CELF5: variants seen among roughly 807,000 people sequenced by gnomAD.
The protein encoded by CELF5 is CUG-BP and ETR-3 like factor 5.
CELF5 carries 6 observed loss-of-function variants against 54.9 expected under a neutral mutation model. The ratio of observed to expected loss-of-function variants is 0.11; its 90% CI spans 0.06 to 0.22. CELF5 has a LOEUF of 0.22. Among genes scored for constraint, CELF5 ranks in the 10% least tolerant of loss-of-function variants. CELF5 has a pLI of 1.00. For synonymous variants in CELF5, 271 were observed against 290.9 expected (o/e 0.93, Z 0.70); for missense variants, 401 against 678.6 (o/e 0.59, Z 4.54).
Position 3,289,681 on chromosome 19 carries a change from C to CAAAAAAAAAAAAAAAAA in CELF5, c.1187-532_1187-516dup, listed in dbSNP as rs35144942. ...TGGGCGACAGAGCGAGACTCCATCT[C>CAAAAAAAAAAAAAAAAA]AAAAAAAAAAAAAAAAAAAAAAAAA... On this transcript the variant is annotated intron_variant, in intron 10 of 12. Coordinates refer to ENST00000292672, the MANE Select transcript of CELF5 (RefSeq NM_021938.4). Among the ~76,000 whole-genome samples the CAAAAAAAAAAAAAAAAA allele has an allele frequency of 3.6e-4, 17 of 47,136 alleles. 3 individuals carry two copies. Among genetic ancestry groups the CAAAAAAAAAAAAAAAAA allele is most frequent in the African/African-American group, 1.6e-3 (16 of 10,010 alleles). 30.9% of individuals were successfully genotyped at this position (47,136 alleles called of 152,430 possible).
At chr19:3,285,886 C>G (rs949617984) in intron 9 of CELF5, 56 bp from the exon 10 acceptor site, 1 of 1,322,884 alleles carries the variant, frequency 7.6e-7, no homozygotes, top group Admixed American at 3.1e-5. Context: ...GCGGCCCAGG[C>G]CGCCCACGTG....
chr19:3,232,270 T>C (rs1917305727), intron 1 of CELF5, among the ~76,000 whole-genome samples: 1 of 152,216 alleles, frequency 6.6e-6, no homozygotes, highest in African/African-American at 2.4e-5. Flanking sequence ...ATTTATATGA[T>C]GTGGCCAGGC....
chr19:3,271,508 T>G (rs1185530248), intron 2 of CELF5, among the ~76,000 whole-genome samples: 1 of 152,014 alleles, frequency 6.6e-6, no homozygotes, highest in Non-Finnish European at 1.5e-5. Flanking sequence ...CTGGGAGGAT[T>G]GGGGGCACAG....
chr19:3,288,338 A>G (rs1182722588), intron 10 of CELF5, among the ~76,000 whole-genome samples: 1 of 151,862 alleles, frequency 6.6e-6, no homozygotes, highest in East Asian at 1.9e-4. Flanking sequence ...CCTGGACAAC[A>G]TGGCGAAACC....
chr19:3,270,378 C>T (rs1265176328), intron 2 of CELF5, among the ~76,000 whole-genome samples: 1 of 151,930 alleles, frequency 6.6e-6, no homozygotes, highest in Non-Finnish European at 1.5e-5. Context: ...TCGGCAGAGA[C>T]CTCGGTGGGA....
At chr19:3,230,153 C>T (rs1026178858) in intron 1 of CELF5, among the ~76,000 whole-genome samples, 11 of 152,098 alleles carry the variant, frequency 7.2e-5, no homozygotes, top group African/African-American at 2.7e-4. Flanking sequence ...GGCCTTACCT[C>T]GTACTGAGCA....
chr19:3,238,860 G>A lies in CELF5; in HGVS notation c.260-12125G>A, dbSNP rs1424374006. Among the ~76,000 whole-genome samples the A allele has an allele frequency of 7.9e-5, 12 of 152,266 alleles. No homozygotes were observed. In the South Asian group the frequency reaches 1.7e-3, roughly 21 times the overall value. Reference sequence around the variant, plus strand: ...CAGAATTGCTTGAACACAGTAGGTGGAGGTTGCAGTGAGCCAAGATCACAC... The same window carrying A: ...CAGAATTGCTTGAACACAGTAGGTGAAGGTTGCAGTGAGCCAAGATCACAC... On this transcript the variant is annotated intron_variant, in intron 1 of 12. Transcript: ENST00000292672.
chr19:3,267,950 TCA>T (rs1407528134), intron 2 of CELF5, among the ~76,000 whole-genome samples: 1 of 152,060 alleles, frequency 6.6e-6, no homozygotes, highest in African/African-American at 2.4e-5. Flanking sequence ...TCCCCAGACC[TCA>T]GTTTTGTCAT....
intron 1 of CELF5, 90 bp from the exon 2 acceptor site, chr19:3,250,895 T>A: frequency 1.2e-6 from 1 of 805,764 alleles, no homozygotes. Flanking sequence ...AAGCTTGGGT[T>A]GCTTCCACCT....
rs553636887 is a variant in CELF5, at chr19:3,254,444, C to T, written c.342+3377C>T. On this transcript the variant is annotated intron_variant, in intron 2 of 12. Transcript: ENST00000292672. ...ATCCAGCCACACGTCCATCCATCTACGCATCCATCCATCCATCCATCTATC... is the reference window on the plus strand; with the variant it reads ...ATCCAGCCACACGTCCATCCATCTATGCATCCATCCATCCATCCATCTATC... 6.0e-3 allele frequency among the ~76,000 whole-genome samples: 908 copies of T among 151,146 alleles called. 10 individuals carry two copies. Among genetic ancestry groups the T allele is most frequent in the African/African-American group, 0.021 (864 of 41,120 alleles).
intron 1 of CELF5, among the ~76,000 whole-genome samples, chr19:3,248,776 T>C (rs895370210): frequency 1.3e-5 from 2 of 152,288 alleles, no homozygotes; most frequent in East Asian, 3.9e-4. Flanking sequence ...TGTGTTTCGT[T>C]TCTGGAGGAA....
intron 2 of CELF5, among the ~76,000 whole-genome samples, chr19:3,271,139 A>G (rs1181193863): frequency 1.4e-5 from 2 of 141,176 alleles, no homozygotes; most frequent in Non-Finnish European, 3.0e-5. Context: ...CCCCATCCTC[A>G]TCTGCCCAAG....
intron 1 of CELF5, among the ~76,000 whole-genome samples, chr19:3,225,899 G>C (rs312057): frequency 0.093 from 14,161 of 152,220 alleles, 1,282 homozygotes; most frequent in East Asian, 0.44. Context: ...AAATTCTGGG[G>C]TGGACAGGGA....
At position 3,269,869 on chromosome 19, in the gene CELF5, T is replaced by G. The variant is rs145377937; in HGVS notation, c.343-4003T>G. Among the ~76,000 whole-genome samples, 119 of 152,094 alleles carry G rather than the reference T, an allele frequency of 7.8e-4. 2 individuals are homozygous for G. Among genetic ancestry groups the G allele is most frequent in the African/African-American group, 2.7e-3 (114 of 41,476 alleles). ...CCTCAAACTCCTTGGGTTCAAACGA[T>G]CCTCCCTCCTTGGCCTCCCGACCTC... On this transcript the variant is annotated intron_variant, in intron 2 of 12. Coordinates refer to ENST00000292672, the MANE Select transcript of CELF5 (RefSeq NM_021938.4).
intron 11 of CELF5, among the ~76,000 whole-genome samples, chr19:3,292,303 GTT>G (rs55841367): frequency 1.2e-4 from 17 of 141,732 alleles, no homozygotes; most frequent in South Asian, 2.3e-4. Context: ...CCTTGACTTT[GTT>G]TTTTTTTTTT....
intron 10 of CELF5, among the ~76,000 whole-genome samples, chr19:3,288,663 C>T (rs934356188): frequency 6.6e-6 from 1 of 152,110 alleles, no homozygotes; most frequent in African/African-American, 2.4e-5. Flanking sequence ...GCCTGGGCAA[C>T]ATAGTGAGAC....
intron 12 of CELF5, chr19:3,294,224 G>T (rs1036452276): frequency 1.3e-5 from 2 of 152,170 alleles, no homozygotes; most frequent in Admixed American, 1.3e-4. Flanking sequence ...TAAACCTTGT[G>T]GGGCCACTGT....
intron 2 of CELF5, among the ~76,000 whole-genome samples, chr19:3,255,542 TCTC>T (rs1028558908): frequency 1.6e-4 from 24 of 152,054 alleles, no homozygotes; most frequent in South Asian, 1.0e-3. Context: ...ATCAGCCTCT[TCTC>T]CTCCCTCCTC....
In CELF5 at chr19:3,275,748, G is replaced by A. The variant is rs541165947; in HGVS notation, c.395-108G>A. 11 of 1,230,140 alleles carry A rather than the reference G, an allele frequency of 8.9e-6. No homozygotes were observed. The South Asian group carries it at 9.4e-5, about 11-fold the overall frequency. 76.2% of individuals were successfully genotyped at this position (1,230,140 alleles called of 1,614,324 possible). On this transcript the variant is annotated intron_variant, in intron 3 of 12. Coordinates refer to ENST00000292672, the MANE Select transcript of CELF5 (RefSeq NM_021938.4). The surrounding 1 kb of genome is among the most constrained non-coding windows in gnomAD (Gnocchi z 6.7). ...GAACCGGAGCCGGCAGGGCCCGGGC[G>A]CCGCGTCTTCCTGCCCTGCCGCCTC...
Sources: gnomAD v4.1 joint callset for allele counts (sites outside exome capture counted in the v4.1 genomes callset) on GRCh38, gnomAD v4.1.1 for gene constraint, Gnocchi (gnomAD v3.1) non-coding constraint, MANE v1.5 for transcripts, NCBI Gene and HGNC (gene_info 2026-07-23, HGNC 2026-07-21) for gene names.